BATF: variants seen among roughly 807,000 people sequenced by gnomAD.
The protein encoded by BATF is basic leucine zipper transcriptional factor ATF-like.
A neutral mutation model predicts 13.7 loss-of-function variants in BATF; 5 were observed. The observed-to-expected ratio is 0.36, with a 90% confidence interval of 0.19 to 0.77. BATF has a LOEUF of 0.77. BATF is among the 30% of genes least tolerant of loss of function. The probability of loss-of-function intolerance (pLI) is 0.51; values close to 1 mark genes in which losing one functional copy is unlikely to be tolerated. For missense variants in BATF, 124 were observed against 163.0 expected (o/e 0.76, Z 1.30); for synonymous variants, 72 against 67.5 (o/e 1.07, Z -0.33).
intron 2 of BATF, among the ~76,000 whole-genome samples, chr14:75,536,569 A>AG (rs1268839887): frequency 1.3e-5 from 2 of 151,910 alleles, no homozygotes; most frequent in African/African-American, 4.8e-5. Flanking sequence ...CTACAAAAAA[A>AG]AATTTTTTTT....
chr14:75,537,129 G>T (rs928213236), intron 2 of BATF, among the ~76,000 whole-genome samples: 2 of 152,046 alleles, frequency 1.3e-5, no homozygotes, highest in Admixed American at 6.5e-5. Context: ...TCCTTTGTTG[G>T]GTATGAATGG....
chr14:75,524,099 G>A (rs1473881932), intron 1 of BATF, among the ~76,000 whole-genome samples: 3 of 152,168 alleles, frequency 2.0e-5, no homozygotes, highest in Non-Finnish European at 2.9e-5. Flanking sequence ...TGCCCCTCTA[G>A]CCTGTGGGAG....
At chr14:75,540,379 C>A (rs1408803604) in intron 2 of BATF, among the ~76,000 whole-genome samples, 1 of 152,198 alleles carries the variant, frequency 6.6e-6, no homozygotes, top group African/African-American at 2.4e-5. Flanking sequence ...TTAGCCACCC[C>A]CAAGCTGCTT....
rs188014543 is a variant in BATF at position 75,530,999 on chromosome 14, A to G, written c.168+5811A>G. ...TATACAGTTTGGGATTTTTTATCAC[A>G]TGCTTTTATCTTTATAATATAGATA... On this transcript the variant is annotated intron_variant, in intron 2 of 2. Transcript: ENST00000286639. Among the ~76,000 whole-genome samples, 579 of 152,332 alleles carry G rather than the reference A, an allele frequency of 3.8e-3. 3 individuals are homozygous for G. Among genetic ancestry groups the G allele is most frequent in the African/African-American group, 0.013 (547 of 41,570 alleles).
At chr14:75,525,910 G>A (rs1410799296) in intron 2 of BATF, among the ~76,000 whole-genome samples, 2 of 152,132 alleles carry the variant, frequency 1.3e-5, no homozygotes, top group Admixed American at 6.5e-5. Flanking sequence ...AATTCACAGG[G>A]CGCTGTACCA....
chr14:75,528,557 A>C (rs1323552193), intron 2 of BATF, among the ~76,000 whole-genome samples: 7 of 152,240 alleles, frequency 4.6e-5, no homozygotes, highest in Non-Finnish European at 5.9e-5. Context: ...CGTAATTGTG[A>C]CATCAACAAA....
intron 2 of BATF, among the ~76,000 whole-genome samples, chr14:75,534,335 A>T (rs1308890382): frequency 6.6e-6 from 1 of 152,220 alleles, no homozygotes. Flanking sequence ...CTAATTTCCT[A>T]TTCTGATTAT....
chr14:75,534,073 T>C (rs1053625989), intron 2 of BATF, among the ~76,000 whole-genome samples: 1 of 152,104 alleles, frequency 6.6e-6, no homozygotes, highest in Non-Finnish European at 1.5e-5. Context: ...AGAGAGTGAG[T>C]CCAAACTTGA....
intron 2 of BATF, among the ~76,000 whole-genome samples, chr14:75,544,705 G>A (rs1472074432): frequency 6.6e-6 from 1 of 151,780 alleles, no homozygotes; most frequent in East Asian, 1.9e-4. Context: ...TCATGATATG[G>A]CAAGTTTGGG....
chr14:75,537,204 C>T (rs1235113252), intron 2 of BATF, among the ~76,000 whole-genome samples: 1 of 152,104 alleles, frequency 6.6e-6, no homozygotes, highest in Non-Finnish European at 1.5e-5. Flanking sequence ...TGTAATTCTG[C>T]CACTCCCACG....
intron 2 of BATF, among the ~76,000 whole-genome samples, chr14:75,537,774 TTAA>T (rs1236730693): frequency 6.6e-6 from 1 of 151,960 alleles, no homozygotes; most frequent in Non-Finnish European, 1.5e-5. Context: ...TTTAAATTTT[TTAA>T]TATTATACTA....
chr14:75,533,224 T>G (rs1463442695), intron 2 of BATF, among the ~76,000 whole-genome samples: 1 of 151,892 alleles, frequency 6.6e-6, no homozygotes, highest in Non-Finnish European at 1.5e-5. Context: ...GTCAGGAGAC[T>G]GAGACCATCC....
intron 2 of BATF, among the ~76,000 whole-genome samples, chr14:75,534,355 A>C (rs2140038303): frequency 6.6e-6 from 1 of 152,338 alleles, no homozygotes; most frequent in Middle Eastern, 3.4e-3. Context: ...TGAAAACGAT[A>C]CACACTAAGG....
At chr14:75,544,688 T>G (rs1329748183) in intron 2 of BATF, among the ~76,000 whole-genome samples, 5 of 152,048 alleles carry the variant, frequency 3.3e-5, no homozygotes, top group Non-Finnish European at 5.9e-5. Flanking sequence ...AGCCTTCAAA[T>G]TAATTCTCAT....
intron 2 of BATF, among the ~76,000 whole-genome samples, chr14:75,544,006 C>T (rs1205472446): frequency 2.6e-5 from 4 of 152,146 alleles, no homozygotes; most frequent in African/African-American, 4.8e-5. Context: ...GAGTTACCTT[C>T]TTCATTCCAG....
intron 2 of BATF, among the ~76,000 whole-genome samples, chr14:75,528,764 C>G (rs1400047990): frequency 6.8e-6 from 1 of 148,058 alleles, no homozygotes; most frequent in Non-Finnish European, 1.5e-5. Context: ...CTAAGATAAT[C>G]AGCTGAAAAA....
chr14:75,538,707 C>A (rs902859991), intron 2 of BATF, among the ~76,000 whole-genome samples: 2 of 152,212 alleles, frequency 1.3e-5, no homozygotes, highest in African/African-American at 2.4e-5. Context: ...CGAGACCATC[C>A]TGGCTAACAC....
chr14:75,522,993 C>T (rs997441875), intron 1 of BATF, among the ~76,000 whole-genome samples: 4 of 152,284 alleles, frequency 2.6e-5, no homozygotes, highest in African/African-American at 4.8e-5. Context: ...TCACCTCTGC[C>T]TCACTGGGGT....
intron 2 of BATF, among the ~76,000 whole-genome samples, chr14:75,546,033 T>C (rs1887979979): frequency 6.6e-6 from 1 of 152,052 alleles, no homozygotes; most frequent in Non-Finnish European, 1.5e-5. Context: ...ATTTCTGTTT[T>C]TGTATTTTAG....
Sources: allele counts gnomAD v4.1 joint callset (sites outside exome capture counted in the v4.1 genomes callset), GRCh38; gene constraint gnomAD v4.1.1; transcripts MANE v1.5; gene names NCBI Gene and HGNC (gene_info 2026-07-23, HGNC 2026-07-21).